Variants in HEATR5B observed in about 807,000 individuals in gnomAD.
The protein encoded by HEATR5B is HEAT repeat-containing protein 5B.
A neutral mutation model predicts 224.1 loss-of-function variants in HEATR5B; 156 were observed. The ratio of observed to expected loss-of-function variants is 0.70; its 90% CI spans 0.61 to 0.80. HEATR5B has a LOEUF of 0.80. HEATR5B is among the 30% of genes least tolerant of loss of function. HEATR5B has a pLI of 0.00. For missense variants in HEATR5B, 2,323 were observed against 2,535.5 expected (o/e 0.92, Z 1.80); for synonymous variants, 1,027 against 893.0 (o/e 1.15, Z -2.68).
intron 2 of HEATR5B, 90 bp downstream of exon 2, chr2:37,083,199 C>T (rs1303217201): frequency 6.8e-6 from 10 of 1,474,426 alleles, no homozygotes; most frequent in Non-Finnish European, 8.5e-6. Flanking sequence ...ACCCATAAAC[C>T]TTCCAAAACA....
At chr2:37,002,170 TA>T in intron 32 of HEATR5B, 135 bp downstream of exon 32, 4 of 1,000,034 alleles carry the variant, frequency 4.0e-6, no homozygotes, top group Non-Finnish European at 4.4e-6. Context: ...GACAAAACCT[TA>T]AAAAAAGACC....
At chr2:37,082,383 T>C (rs941274682) in intron 2 of HEATR5B, among the ~76,000 whole-genome samples, 1 of 152,032 alleles carries the variant, frequency 6.6e-6, no homozygotes, top group Non-Finnish European at 1.5e-5. Context: ...CCGGGCCATA[T>C]CTACTTTTAA....
intron 10 of HEATR5B, among the ~76,000 whole-genome samples, chr2:37,062,425 G>A (rs1014846708): frequency 5.3e-5 from 8 of 151,902 alleles, no homozygotes; most frequent in South Asian, 2.1e-4. Context: ...GCGAGACTCC[G>A]TCTCCAAAAA....
intron 18 of HEATR5B, among the ~76,000 whole-genome samples, chr2:37,042,106 T>C (rs1036207362): frequency 1.3e-5 from 2 of 152,110 alleles, no homozygotes; most frequent in African/African-American, 2.4e-5. Context: ...CTTTAAAAAA[T>C]AAGCTTTATT....
chr2:37,075,589 T>C lies in HEATR5B; in HGVS notation c.493A>G (p.Ser165Gly), dbSNP rs1672177994. ...GAAGCTGCTGCACCACCCAGTCCAC[T>C]TAGAACTTTCTGTAGACTCATTAAG... ...EILMSLQKVL[S>G]GLGGAAASSH... is the part of the protein sequence containing the mutation. Residue 165 changes from serine to glycine, a missense_variant, in exon 5 of 36, where the codon AGT becomes GGT. Transcript: ENST00000233099. 2 of 1,613,662 alleles carry C rather than the reference T, an allele frequency of 1.2e-6. No individual in the cohort carries two copies. The highest frequency in any genetic ancestry group is 1.7e-6 in the Non-Finnish European group (2 of 1,179,724).
chr2:37,059,230 G>A (rs1671099705), intron 12 of HEATR5B, among the ~76,000 whole-genome samples: 1 of 150,922 alleles, frequency 6.6e-6, no homozygotes, highest in South Asian at 2.1e-4. Context: ...AGATTCTTCG[G>A]GTGGAAATTC....
At chr2:37,073,855 C>T (rs1672059213) in intron 5 of HEATR5B, among the ~76,000 whole-genome samples, 1 of 152,188 alleles carries the variant, frequency 6.6e-6, no homozygotes, top group African/African-American at 2.4e-5. Flanking sequence ...CTGATTTCAA[C>T]ACTTATTACA....
chr2:37,068,966 T>C (rs1262754599), intron 7 of HEATR5B, 36 bp from the exon 8 acceptor site: 10 of 1,581,608 alleles, frequency 6.3e-6, no homozygotes, highest in Non-Finnish European at 7.8e-6. Context: ...CAGATACACT[T>C]ACATAACTGA....
chr2:37,013,771 A>T, intron 27 of HEATR5B, 70 bp downstream of exon 27: 1 of 1,347,736 alleles, frequency 7.4e-7, no homozygotes. Context: ...TTTACCAACA[A>T]GAGTAGAGGA....
chr2:37,077,100 G>T, intron 3 of HEATR5B, 81 bp from the exon 4 acceptor site: 1 of 1,221,024 alleles, frequency 8.2e-7, no homozygotes, highest in South Asian at 1.3e-5. Flanking sequence ...AAATCAATTT[G>T]CATTTGTCTA....
intron 3 of HEATR5B, 107 bp downstream of exon 3, chr2:37,079,013 T>A: frequency 1.6e-6 from 1 of 629,892 alleles, no homozygotes; most frequent in Non-Finnish European, 2.8e-6. Flanking sequence ...TAGCAGCATG[T>A]CGCAGGTTCC....
chr2:37,009,393 G>T (rs1667646735), intron 27 of HEATR5B, among the ~76,000 whole-genome samples: 1 of 151,160 alleles, frequency 6.6e-6, no homozygotes, highest in African/African-American at 2.4e-5. Context: ...GGGTAATATA[G>T]CAAGACCCTA....
chr2:36,988,400 C>G lies in HEATR5B; in HGVS notation c.5911+246G>C, dbSNP rs534722014. Among the ~76,000 whole-genome samples the G allele has an allele frequency of 8.6e-5, 13 of 152,014 alleles. No individual in the cohort carries two copies. In the East Asian group the frequency reaches 2.3e-3, roughly 27 times the overall value. ...GCTTCAGCCTCCCAAGTAGCTGGGACAGCAGGTGTGCGCCACACACCCAGC... is the reference window on the plus strand; with the variant it reads ...GCTTCAGCCTCCCAAGTAGCTGGGAGAGCAGGTGTGCGCCACACACCCAGC... On this transcript the variant is annotated intron_variant, in intron 35 of 35. Coordinates refer to ENST00000233099, the MANE Select transcript of HEATR5B (RefSeq NM_019024.3).
chr2:37,048,367 T>C (rs916677651), intron 18 of HEATR5B, among the ~76,000 whole-genome samples: 2 of 152,086 alleles, frequency 1.3e-5, no homozygotes, highest in Admixed American at 6.6e-5. Context: ...GTATGTTTTG[T>C]AGAGACAGGG....
chr2:37,049,508 A>C (rs10495870), intron 18 of HEATR5B, 145 bp downstream of exon 18: 233,045 of 682,236 alleles, frequency 0.34, 41,936 homozygotes, highest in African/African-American at 0.42. Context: ...TCAACTGCTA[A>C]ATTAAAAATT....
At chr2:37,026,806 T>A (rs776021661) in intron 24 of HEATR5B, among the ~76,000 whole-genome samples, 2 of 152,208 alleles carry the variant, frequency 1.3e-5, no homozygotes, top group Non-Finnish European at 2.9e-5. Flanking sequence ...TTTTACAGTT[T>A]GTATGTTTTT....
intron 3 of HEATR5B, 140 bp downstream of exon 3, chr2:37,078,980 G>T: frequency 2.0e-6 from 1 of 506,402 alleles, no homozygotes; most frequent in Non-Finnish European, 3.5e-6. Flanking sequence ...ATCACAACTC[G>T]ATCCACTTAG....
chr2:37,014,100 T>C, intron 26 of HEATR5B, 80 bp from the exon 27 acceptor site: 1 of 772,868 alleles, frequency 1.3e-6, no homozygotes, highest in East Asian at 2.8e-5. Context: ...ACTTTTTTCC[T>C]AGAAGATAAA....
At chr2:37,049,996 T>C (rs886836958) in intron 17 of HEATR5B, among the ~76,000 whole-genome samples, 153 bp from the exon 18 acceptor site, 3 of 151,578 alleles carry the variant, frequency 2.0e-5, no homozygotes, top group Admixed American at 2.0e-4. Context: ...GCTCAAGCAA[T>C]CCTCCCAGCT....
Sources: gnomAD v4.1 joint callset for allele counts (sites outside exome capture counted in the v4.1 genomes callset) on GRCh38, gnomAD v4.1.1 for gene constraint, MANE v1.5 for transcripts, NCBI Gene and HGNC (gene_info 2026-07-23, HGNC 2026-07-21) for gene names.